Variants in MYH7B observed in about 807,000 individuals in gnomAD.
MYH7B encodes the protein myosin-7B.
A neutral mutation model predicts 234.5 loss-of-function variants in MYH7B; 205 were observed. The observed-to-expected ratio is 0.87, with a 90% CI of 0.78 to 0.98. MYH7B has a LOEUF of 0.98. Ranked by LOEUF, MYH7B falls within the 50% of genes least tolerant of loss-of-function variation. The pLI, the probability that MYH7B is intolerant of heterozygous loss-of-function variation, is 0.00. For synonymous variants in MYH7B, 1,193 were observed against 1,105.0 expected (o/e 1.08, Z -1.58); for missense variants, 2,652 against 2,633.4 (o/e 1.01, Z -0.15).
In MYH7B at chr20:34,997,093, G is replaced by A. The variant is rs770481375; in HGVS notation, c.3277G>A (p.Glu1093Lys). Residue 1093 changes from glutamate to lysine, a missense_variant, in exon 31 of 45, where the codon GAG becomes AAG. Glu to Lys is a moderately conservative substitution (Grantham distance 56, BLOSUM62 1). This residue lies in a region of MYH7B where 2,279 missense variants were observed against 2,211.4 expected (regional missense o/e 1.03). Transcript: ENST00000262873. ...CTCTGTGGCTCCCAGGAAGGACTCC[G>A]AGCTGAGCCAGCTGAGCCTGCGGGT... The A allele has an allele frequency of 2.2e-5, 34 of 1,548,486 alleles. No homozygotes were observed. Among genetic ancestry groups the A allele is most frequent in the Non-Finnish European group, 2.6e-5 (30 of 1,146,718 alleles).
rs1180331049 is a variant in MYH7B, at chr20:34,994,450, C to T, written c.2700+49C>T. 3.3e-6 allele frequency: 5 copies of T among 1,521,068 alleles called. No homozygotes were observed. In the African/African-American group the frequency reaches 6.9e-5, roughly 21 times the overall value. 94.2% of individuals were successfully genotyped at this position (1,521,068 alleles called of 1,614,324 possible). ...CCGGGCGTCCCCAGCCCCGAGTACCCCTGGCTGCTCTGAGGGATAGTACAG... is the reference window on the plus strand; with the variant it reads ...CCGGGCGTCCCCAGCCCCGAGTACCTCTGGCTGCTCTGAGGGATAGTACAG... On this transcript the variant is annotated intron_variant, in intron 27 of 44. Coordinates refer to ENST00000262873, the Ensembl canonical transcript of MYH7B.
At chr20:35,001,674 C>G (rs2082388349) in intron 43 of MYH7B, 148 bp downstream of exon 43, 3 of 814,448 alleles carry the variant, frequency 3.7e-6, no homozygotes, top group South Asian at 3.6e-5. Context: ...CTGGGGAGAT[C>G]AGACCTAGCT....
At chr20:35,000,550 C>G in exon 39 of MYH7B, 1 of 1,580,120 alleles carries the variant, frequency 6.3e-7, no homozygotes. Context: ...CAGGCGCAGG[C>G]TCTGGAGCGC....
chr20:34,990,756 A>G lies in MYH7B; in HGVS notation c.1996A>G (p.Met666Val), dbSNP rs1324327057. 6 of 1,613,996 alleles carry G rather than the reference A, an allele frequency of 3.7e-6. No individual in the cohort carries two copies. In the East Asian group the frequency reaches 1.1e-4, roughly 30 times the overall value. The change falls in exon 23 of 45, where the codon ATG (methionine) becomes GTG (valine). Residue 666 changes from methionine (M) to valine (V), a missense_variant. Around this residue, in one of 3 missense-constraint regions of MYH7B, gnomAD observed 2,279 missense variants for 2,211.4 expected, o/e 1.03. Transcript: ENST00000262873. Reference sequence around the variant, plus strand: ...CTGCCAGGAGAACCTCAACAAGCTGATGACCAACCTGCGGGCCACACAGCC... The same window carrying G: ...CTGCCAGGAGAACCTCAACAAGCTGGTGACCAACCTGCGGGCCACACAGCC...
At chr20:34,977,512 G>GC (rs2147167225) in intron 3 of MYH7B, 120 bp from the exon 4 acceptor site, 2 of 886,196 alleles carry the variant, frequency 2.3e-6, no homozygotes, top group South Asian at 3.1e-5. Flanking sequence ...GGTAAAAATA[G>GC]CCCAGGGGCC....
In MYH7B at chr20:34,999,708, CTGCAGGGGTGGGT is replaced by C. The variant is rs1255852422; in HGVS notation, c.4665+14_4665+26del. On this transcript the variant is annotated intron_variant, in intron 37 of 44. Transcript: ENST00000262873. ...GGAGGAGGCAGAGGTCAGGGGCTGG[CTGCAGGGGTGGGT>C]GGACACTGACCTGCTGCTCCACTGG... 1 of 1,611,332 alleles carries C rather than the reference CTGCAGGGGTGGGT, an allele frequency of 6.2e-7. No individual in the cohort carries two copies. Among genetic ancestry groups the C allele is most frequent in the South Asian group, 1.1e-5 (1 of 90,810 alleles).
intron 29 of MYH7B, 34 bp from the exon 30 acceptor site, chr20:34,996,579 G>A: frequency 6.2e-7 from 1 of 1,605,140 alleles, no homozygotes; most frequent in Non-Finnish European, 8.5e-7. Context: ...GCTGGCTTGG[G>A]CCATGGCTGA....
At chr20:34,979,950 G>C (rs1220119511) in intron 7 of MYH7B, 146 bp downstream of exon 7, 1 of 911,534 alleles carries the variant, frequency 1.1e-6, no homozygotes, top group Admixed American at 2.5e-5. Context: ...GGTCCATAGC[G>C]GGGGTGGGGC....
At chr20:34,979,889 G>A in intron 7 of MYH7B, 85 bp downstream of exon 7, 1 of 1,456,592 alleles carries the variant, frequency 6.9e-7, no homozygotes, top group South Asian at 1.2e-5. Flanking sequence ...CGGGCCCATA[G>A]CGGTGGGGCG....
rs761764009 is a variant in MYH7B at position 34,990,113 on chromosome 20, ACTCT to A, written c.1870_1873del (p.Leu624MetfsTer17). ...GAAGTCACAGAATAGGCTCCTGGCG[ACTCT>A]CTATGAGAATTATGCGGGCTCCTGC... On this transcript the variant is annotated frameshift_variant, in exon 21 of 45. Transcript: ENST00000262873. LOFTEE classifies it high-confidence loss of function. 3.1e-6 allele frequency: 5 copies of A among 1,613,728 alleles called. No homozygotes were observed. Among genetic ancestry groups the A allele is most frequent in the South Asian group, 2.2e-5 (2 of 91,056 alleles).
chr20:34,961,768 A>G (rs139778531), intron 2 of MYH7B, among the ~76,000 whole-genome samples: 118 of 152,334 alleles, frequency 7.7e-4, no homozygotes, highest in African/African-American at 2.7e-3. Flanking sequence ...TGTAACTAGC[A>G]TCTTTCACTT....
rs569945548 is a variant in MYH7B at position 35,002,326 on chromosome 20, C to G, written c.*138C>G. 80 of 929,872 alleles carry G rather than the reference C, an allele frequency of 8.6e-5. No homozygotes were observed. The East Asian group carries it at 2.1e-3, about 24-fold the overall frequency. 57.6% of individuals were successfully genotyped at this position (929,872 alleles called of 1,614,324 possible). On this transcript the variant is annotated 3_prime_UTR_variant, in exon 45 of 45. Transcript: ENST00000262873. ...CTGGGCCCTGAATAAACACCACAGC[C>G]AGTTTCCTTCTCATTCTTTTCTTTG... is the stretch of plus-strand genomic sequence containing the variant.
intron 8 of MYH7B, 149 bp downstream of exon 8, chr20:34,980,883 A>C: frequency 1.4e-6 from 2 of 1,478,080 alleles, no homozygotes; most frequent in Non-Finnish European, 1.9e-6. Context: ...TCCGCATGGG[A>C]GCTGACCTCC....
chr20:34,987,943 G>A (rs775495604), intron 18 of MYH7B, 29 bp downstream of exon 18: 2 of 1,568,416 alleles, frequency 1.3e-6, no homozygotes, highest in South Asian at 2.4e-5. Flanking sequence ...CTTGGCCTCT[G>A]TTCTCTCCAA....
Position 34,979,647 on chromosome 20 carries a change from G to A in MYH7B, c.199-14G>A, listed in dbSNP as rs1600420984. 2 of 1,613,932 alleles carry A rather than the reference G, an allele frequency of 1.2e-6. No homozygotes were observed. Among genetic ancestry groups the A allele is most frequent in the South Asian group, 1.1e-5 (1 of 91,082 alleles). On this transcript the variant is annotated splice_polypyrimidine_tract_variant and intron_variant, in intron 6 of 44. Transcript: ENST00000262873. The stretch of plus-strand genomic sequence containing the variant: ...CTCCCGGTCCCCCGGCCCCTGACAC[G>A]ATCTCCCTGGTAGGTGCTGATGGTG...
chr20:34,991,100 T>C (rs2082138241), exon 24 of MYH7B: 1 of 1,611,748 alleles, frequency 6.2e-7, no homozygotes, highest in East Asian at 2.2e-5. Flanking sequence ...AACAGGTTGC[T>C]CTACACCGAC....
At chr20:34,978,685 G>A (rs1409224682) in intron 5 of MYH7B, among the ~76,000 whole-genome samples, 1 of 152,174 alleles carries the variant, frequency 6.6e-6, no homozygotes, top group Admixed American at 6.5e-5. Flanking sequence ...CAGGCTAAGA[G>A]GGACCTTGTG....
rs901905759 is a variant in MYH7B, at chr20:34,987,402, C to T, written c.1147+115C>T. ...ACCTCAGTCTTACCTGGCCCTGCCTCCTCAGCTCCAAACCCTTACCCTCCT... is the reference window on the plus strand; with the variant it reads ...ACCTCAGTCTTACCTGGCCCTGCCTTCTCAGCTCCAAACCCTTACCCTCCT... On this transcript the variant is annotated intron_variant, in intron 16 of 44. Coordinates refer to ENST00000262873, the Ensembl canonical transcript of MYH7B. 1.1e-5 allele frequency: 16 copies of T among 1,479,962 alleles called. 1 individual carries two copies. The Middle Eastern group carries it at 9.8e-4, about 91-fold the overall frequency. 91.7% of individuals were successfully genotyped at this position (1,479,962 alleles called of 1,614,324 possible). A position where few individuals can be genotyped will look rare whatever the true frequency, so the allele number is the denominator to read the frequency against.
At chr20:34,985,084 C>G (rs1235025236) in exon 13 of MYH7B, 1 of 1,614,010 alleles carries the variant, frequency 6.2e-7, no homozygotes, top group South Asian at 1.1e-5. Flanking sequence ...CATCCGCATT[C>G]ACTTTGGTCC....
Sources: allele counts gnomAD v4.1 joint callset (sites outside exome capture counted in the v4.1 genomes callset), GRCh38; gene constraint gnomAD v4.1.1; regional missense constraint gnomAD v4.1.1; transcripts MANE v1.5; gene names NCBI Gene and HGNC (gene_info 2026-07-23, HGNC 2026-07-21).